FAM177B: variants seen among roughly 807,000 people sequenced by gnomAD.
FAM177B encodes the protein protein FAM177B.
FAM177B carries 16 observed loss-of-function variants against 16.1 expected under a neutral mutation model. That is an observed-to-expected ratio of 0.99 (90% CI 0.67 to 1.51). The LOEUF is 1.51. Among genes scored for constraint, FAM177B ranks in the 40% most tolerant of loss-of-function variants. The probability of loss-of-function intolerance (pLI) is 0.00; values close to 1 mark genes in which losing one functional copy is unlikely to be tolerated. For missense variants in FAM177B, 178 were observed against 183.7 expected, an observed-to-expected ratio of 0.97 and a Z score of 0.18; for synonymous variants, 56 against 59.9, an observed-to-expected ratio of 0.93 and a Z score of 0.30.
At chr1:222,747,693 T>C (rs1285691724) in intron 4 of FAM177B, among the ~76,000 whole-genome samples, 6 of 152,232 alleles carry the variant, frequency 3.9e-5, no homozygotes, top group Non-Finnish European at 7.3e-5. Context: ...GTGAATATGA[T>C]AGGAAGGCAA....
At chr1:222,748,895 G>A (rs1054495315) in intron 4 of FAM177B, 6 of 373,494 alleles carry the variant, frequency 1.6e-5, no homozygotes, top group Admixed American at 4.0e-5. Flanking sequence ...ACTTTTCTAG[G>A]AGACTTCTTT....
At chr1:222,741,924 CTCTCTCTTTCTT>C (rs1302571994) in intron 2 of FAM177B, among the ~76,000 whole-genome samples, 7 of 104,338 alleles carry the variant, frequency 6.7e-5, no homozygotes, top group Admixed American at 3.7e-4. Context: ...CTCTCTCTCT[CTCTCTCTTTCTT>C]TCTTTCTTTC....
In FAM177B at chr1:222,746,999, T is replaced by C. The variant is rs1454451197; in HGVS notation, c.175-16T>C. ...CCTCTTATTAACTACTCTATCTCAA[T>C]TTCTCCTTTTTTCAGTCTAAACTTT... On this transcript the variant is annotated splice_polypyrimidine_tract_variant and intron_variant, in intron 3 of 5. Coordinates refer to ENST00000445590, the MANE Select transcript of FAM177B (RefSeq NM_001394345.1). 4 of 1,572,476 alleles carry C rather than the reference T, an allele frequency of 2.5e-6. No individual in the cohort carries two copies. The highest frequency in any genetic ancestry group is 2.6e-6 in the Non-Finnish European group (3 of 1,142,328).
At chr1:222,744,934 ATAGTTAATC>A (rs1017445631) in intron 2 of FAM177B, among the ~76,000 whole-genome samples, 4 of 152,184 alleles carry the variant, frequency 2.6e-5, no homozygotes, top group African/African-American at 9.7e-5. Flanking sequence ...TTGTCACTTT[ATAGTTAATC>A]TTAACCCCTA....
rs1658989042 is a variant in FAM177B at position 222,750,088 on chromosome 1, A to G, written c.*30A>G. 6.2e-7 allele frequency: 1 copy of G among 1,604,226 alleles called. No individual in the cohort carries two copies. The highest frequency in any genetic ancestry group is 1.3e-5 in the African/African-American group (1 of 74,416). On this transcript the variant is annotated 3_prime_UTR_variant, in exon 6 of 6. Coordinates refer to ENST00000445590, the MANE Select transcript of FAM177B (RefSeq NM_001394345.1). Reference sequence around the variant, plus strand: ...CCTCATCCAGGGAGGGTCTGGTGGCAGATCCTAGCTCATGATGGCAGCAAA... The same window carrying G: ...CCTCATCCAGGGAGGGTCTGGTGGCGGATCCTAGCTCATGATGGCAGCAAA...
intron 4 of FAM177B, among the ~76,000 whole-genome samples, chr1:222,748,160 T>C (rs1454050838): frequency 1.3e-5 from 2 of 152,146 alleles, no homozygotes; most frequent in Non-Finnish European, 2.9e-5. Context: ...GGGTTAGTGA[T>C]TTGGAAGTTA....
rs562252213 is a variant in FAM177B, at chr1:222,749,826, G to A, written c.340-95G>A. 33 of 1,326,320 alleles carry A rather than the reference G, an allele frequency of 2.5e-5. No homozygotes were observed. In the African/African-American group the frequency reaches 3.7e-4, roughly 15 times the overall value. The allele number at this position is 1,326,320 out of a possible 1,614,324, so 82.2% of individuals were successfully genotyped here. On this transcript the variant is annotated intron_variant, in intron 5 of 5. Transcript: ENST00000445590. ...GGTGAGAAGGCTCAGATTGCTTAAAGTAGAAGCTTCTTACATGGGCATTAT... is the reference window on the plus strand; with the variant it reads ...GGTGAGAAGGCTCAGATTGCTTAAAATAGAAGCTTCTTACATGGGCATTAT...
At chr1:222,741,046 C>G (rs1188386239) in intron 2 of FAM177B, among the ~76,000 whole-genome samples, 1 of 118,150 alleles carries the variant, frequency 8.5e-6, no homozygotes, top group Non-Finnish European at 1.8e-5. Flanking sequence ...TTGCATCTTA[C>G]TTTTTGTTTT....
intron 2 of FAM177B, among the ~76,000 whole-genome samples, chr1:222,745,275 T>G (rs1349829812): frequency 6.6e-6 from 1 of 152,202 alleles, no homozygotes; most frequent in African/African-American, 2.4e-5. Flanking sequence ...CTTTCATTTC[T>G]CTTGGATAAA....
At chr1:222,741,594 C>T (rs1352827435) in intron 2 of FAM177B, among the ~76,000 whole-genome samples, 1 of 150,794 alleles carries the variant, frequency 6.6e-6, no homozygotes, top group East Asian at 2.0e-4. Context: ...GTGGCACAAT[C>T]GCTGCTCATT....
At chr1:222,747,911 T>C (rs1453479488) in intron 4 of FAM177B, among the ~76,000 whole-genome samples, 1 of 152,188 alleles carries the variant, frequency 6.6e-6, no homozygotes, top group Non-Finnish European at 1.5e-5. Flanking sequence ...GTAATTATAA[T>C]TTGTTGTCAC....
At chr1:222,748,172 G>T (rs369747389) in intron 4 of FAM177B, among the ~76,000 whole-genome samples, 2 of 152,082 alleles carry the variant, frequency 1.3e-5, no homozygotes, top group African/African-American at 4.8e-5. Context: ...TGGAAGTTAC[G>T]TTGAAAATCC....
intron 2 of FAM177B, among the ~76,000 whole-genome samples, chr1:222,739,371 TGTTTCA>T (rs1201016560): frequency 1.3e-5 from 2 of 152,232 alleles, no homozygotes; most frequent in African/African-American, 4.8e-5. Context: ...CACAAGTCTC[TGTTTCA>T]GTTTCAAAGT....
rs535597571 is a variant in FAM177B, at chr1:222,742,040, A to G, written c.-16+4019A>G. Among the ~76,000 whole-genome samples the G allele has an allele frequency of 4.0e-5, 6 of 150,870 alleles. No individual in the cohort carries two copies. In the East Asian group the frequency reaches 1.2e-3, roughly 29 times the overall value. ...AGGCTGGTTTAAAACTCATGGCCTC[A>G]AGTCAGCCTCTCACCTCAACCTCTG... is the stretch of plus-strand genomic sequence containing the variant. On this transcript the variant is annotated intron_variant, in intron 2 of 5. Coordinates refer to ENST00000445590, the MANE Select transcript of FAM177B (RefSeq NM_001394345.1).
At position 222,750,511 on chromosome 1, in the gene FAM177B, G is replaced by A; in HGVS notation, c.*453G>A. ...CCCCTTTCAGGATTTGATATAGTGT[G>A]TACTTCCAACAACCATCCTGGCGTA... On this transcript the variant is annotated 3_prime_UTR_variant, in exon 6 of 6. Transcript: ENST00000445590. 2.0e-6 allele frequency: 2 copies of A among 987,090 alleles called. No individual in the cohort carries two copies. Among genetic ancestry groups the A allele is most frequent in the African/African-American group, 3.5e-5 (2 of 57,392 alleles). 61.1% of individuals were successfully genotyped at this position (987,090 alleles called of 1,614,324 possible). A position where few individuals can be genotyped will look rare whatever the true frequency, so the allele number is the denominator to read the frequency against.
intron 2 of FAM177B, among the ~76,000 whole-genome samples, chr1:222,738,436 G>T (rs571700941): frequency 6.6e-6 from 1 of 151,870 alleles, no homozygotes; most frequent in East Asian, 1.9e-4. Context: ...GAATTAAACT[G>T]AGCCGGGCGC....
rs775807917 is a variant in FAM177B, at chr1:222,747,074, A to G, written c.234A>G (p.Ser78=). The change falls in exon 4 of 6, where the codon TCA becomes TCG. Residue 78 remains serine, a synonymous_variant. Coordinates refer to ENST00000445590, the MANE Select transcript of FAM177B (RefSeq NM_001394345.1). ...RFWAGRIAST[S]FSTCEFLGGR... ...GGGCAGGACGAATAGCAAGCACCTC[A>G]TTTTCTAGTAAGTACTGCTAAGGTT... 3 of 1,605,704 alleles carry G rather than the reference A, an allele frequency of 1.9e-6. No individual in the cohort carries two copies. The highest frequency in any genetic ancestry group is 2.6e-6 in the Non-Finnish European group (3 of 1,172,534).
chr1:222,746,137 A>G (rs1658785208), intron 2 of FAM177B, among the ~76,000 whole-genome samples: 1 of 152,200 alleles, frequency 6.6e-6, no homozygotes, highest in African/African-American at 2.4e-5. Flanking sequence ...CCTTTACCAA[A>G]TATATACTTT....
At chr1:222,738,194 A>C (rs1359517811) in intron 2 of FAM177B, among the ~76,000 whole-genome samples, 173 bp downstream of exon 2, 1 of 152,158 alleles carries the variant, frequency 6.6e-6, no homozygotes, top group Non-Finnish European at 1.5e-5. Flanking sequence ...TGGAGAATAT[A>C]AATGTTACAA....
Sources: gnomAD v4.1 joint callset for allele counts (sites outside exome capture counted in the v4.1 genomes callset) on GRCh38, gnomAD v4.1.1 for gene constraint, MANE v1.5 for transcripts, NCBI Gene and HGNC (gene_info 2026-07-23, HGNC 2026-07-21) for gene names.